RBL2: variants seen among roughly 807,000 people sequenced by gnomAD.
RBL2 encodes retinoblastoma-like protein 2.
In RBL2, 56 loss-of-function variants were observed where a neutral mutation model predicts 126.0. The observed-to-expected ratio is 0.44, with a 90% CI of 0.36 to 0.56. The LOEUF is 0.56. Ranked by LOEUF, RBL2 falls within the 20% of genes least tolerant of loss-of-function variation. RBL2 has a pLI of 0.00. For synonymous variants in RBL2, 454 were observed against 478.5 expected (o/e 0.95, Z 0.67); for missense variants, 1,229 against 1,398.2 (o/e 0.88, Z 1.93).
intron 8 of RBL2, among the ~76,000 whole-genome samples, chr16:53,455,053 G>T (rs555982658): frequency 3.3e-5 from 5 of 152,230 alleles, no homozygotes; most frequent in Non-Finnish European, 7.4e-5. Context: ...CTGAGAAAAA[G>T]AAATTAATAT....
intron 8 of RBL2, among the ~76,000 whole-genome samples, chr16:53,457,590 G>A (rs1184094526): frequency 6.6e-6 from 1 of 152,060 alleles, no homozygotes; most frequent in East Asian, 1.9e-4. Flanking sequence ...AAAATGAGGA[G>A]GGATTACTTA....
At chr16:53,445,817 A>G (rs1040612430) in intron 3 of RBL2, 3 of 152,266 alleles carry the variant, frequency 2.0e-5, no homozygotes, top group African/African-American at 7.2e-5. Context: ...TGAGGCAGGT[A>G]TGAAGATTCC....
At chr16:53,467,207 C>T in intron 14 of RBL2, 38 bp downstream of exon 14, 1 of 1,512,316 alleles carries the variant, frequency 6.6e-7, no homozygotes, top group Admixed American at 1.7e-5. Flanking sequence ...TTGGGGCTTA[C>T]TATCTGGAAA....
At chr16:53,464,407 A>C (rs1018689080) in intron 12 of RBL2, 44 bp downstream of exon 12, 3 of 1,453,368 alleles carry the variant, frequency 2.1e-6, no homozygotes, top group Admixed American at 4.2e-5. Flanking sequence ...TGTAGATGAG[A>C]CCAACTTCCT....
Position 53,442,691 on chromosome 16 carries a change from G to T in RBL2, c.405G>T (p.Trp135Cys), listed in dbSNP as rs774575109. The change falls in exon 3 of 22, where the codon TGG becomes TGT. Residue 135 changes from tryptophan to cysteine, a missense_variant. Trp to Cys is a radical substitution (Grantham distance 215, BLOSUM62 -2). This residue lies in a region of RBL2 where 1,070 missense variants were observed against 1,274.3 expected (regional missense o/e 0.84). Transcript: ENST00000262133. ...AATTTTTTAATAAGATGAAGAAGTG[G>T]GAAGACATGGCAAATCTACCCCCAC... The part of the protein sequence containing the change: ...LIEFFNKMKK[W>C]EDMANLPPHF... 1 of 1,613,506 alleles carries T rather than the reference G, an allele frequency of 6.2e-7. No homozygotes were observed. Among genetic ancestry groups the T allele is most frequent in the South Asian group, 1.1e-5 (1 of 90,964 alleles).
intron 8 of RBL2, among the ~76,000 whole-genome samples, chr16:53,455,390 G>A (rs1048058096): frequency 1.5e-4 from 23 of 152,214 alleles, no homozygotes; most frequent in African/African-American, 5.3e-4. Flanking sequence ...TAATCCAAGG[G>A]CCAGTTCACC....
At chr16:53,469,520 C>T (rs1326941402) in intron 14 of RBL2, among the ~76,000 whole-genome samples, 1 of 152,084 alleles carries the variant, frequency 6.6e-6, no homozygotes, top group Non-Finnish European at 1.5e-5. Flanking sequence ...TCACATCTTA[C>T]ATGAGTGGTA....
intron 17 of RBL2, among the ~76,000 whole-genome samples, chr16:53,478,795 T>C (rs772620894): frequency 1.3e-5 from 2 of 152,256 alleles, no homozygotes; most frequent in Non-Finnish European, 2.9e-5. Flanking sequence ...CTAATTTTTG[T>C]ATTTTTAGTA....
intron 21 of RBL2, among the ~76,000 whole-genome samples, chr16:53,482,283 G>T (rs879301009): frequency 6.6e-6 from 1 of 152,192 alleles, no homozygotes; most frequent in Non-Finnish European, 1.5e-5. Context: ...GATGTATGTG[G>T]CAACAGCCAC....
chr16:53,442,836 C>A lies in RBL2; in HGVS notation c.550C>A (p.Gln184Lys). The A allele has an allele frequency of 6.2e-7, 1 of 1,612,698 alleles. No homozygotes were observed. Among genetic ancestry groups the A allele is most frequent in the South Asian group, 1.1e-5 (1 of 90,866 alleles). ...FKYPQEEQPR[Q>K]QRGRKQRRQP... ...ATACCCTCAAGAGGAGCAACCTCGT[C>A]AGCAGCGAGGAAGGAAACAGCGGTA... The change falls in exon 3 of 22, where the codon CAG (glutamine) becomes AAG (lysine). Residue 184 changes from glutamine to lysine, a missense_variant. Coordinates refer to ENST00000262133, the MANE Select transcript of RBL2 (RefSeq NM_005611.4).
rs748057509 is a variant in RBL2, at chr16:53,465,426, T to C, written c.1699-12T>C. The C allele has an allele frequency of 7.2e-6, 10 of 1,385,676 alleles. No homozygotes were observed. The highest frequency in any genetic ancestry group is 9.4e-6 in the Non-Finnish European group (10 of 1,059,198). 85.8% of individuals were successfully genotyped at this position (1,385,676 alleles called of 1,614,324 possible). On this transcript the variant is annotated splice_polypyrimidine_tract_variant and intron_variant, in intron 12 of 21. Transcript: ENST00000262133. Reference sequence around the variant, plus strand: ...ATAATTATTCAGTGAACCAAGACATTTTTTATTTCAGGTGATAGAAGTATT... The same window carrying C: ...ATAATTATTCAGTGAACCAAGACATCTTTTATTTCAGGTGATAGAAGTATT...
At chr16:53,462,884 A>G (rs1456749424) in intron 11 of RBL2, among the ~76,000 whole-genome samples, 5 of 152,190 alleles carry the variant, frequency 3.3e-5, no homozygotes, top group Non-Finnish European at 7.3e-5. Flanking sequence ...GCTGTCGCCA[A>G]GGCTGGAGTG....
chr16:53,434,643 CGAGGCGGAAGA>C lies in RBL2; in HGVS notation c.88_98del (p.Glu30ArgfsTer50), dbSNP rs2057936759. The C allele has an allele frequency of 1.3e-6, 2 of 1,563,744 alleles. No individual in the cohort carries two copies. The highest frequency in any genetic ancestry group is 2.7e-5 in the African/African-American group (2 of 73,370). On this transcript the variant is annotated frameshift_variant, in exon 1 of 22. Coordinates refer to ENST00000262133, the MANE Select transcript of RBL2 (RefSeq NM_005611.4). LOFTEE classifies it high-confidence loss of function. ...CGGATGAGGAGGAGGAGGACGACGG[CGAGGCGGAAGA>C]CGCCGCGCCGCCTGCCGAGTCGCCC...
chr16:53,441,630 G>C (rs183759672), intron 2 of RBL2, among the ~76,000 whole-genome samples: 23 of 152,198 alleles, frequency 1.5e-4, no homozygotes, highest in African/African-American at 5.3e-4. Flanking sequence ...AAGTATGATA[G>C]CATTTATATA....
intron 19 of RBL2, 81 bp from the exon 20 acceptor site, chr16:53,480,486 C>A: frequency 8.3e-7 from 1 of 1,204,684 alleles, no homozygotes; most frequent in Non-Finnish European, 1.2e-6. Flanking sequence ...GGTAGCTGTT[C>A]CCTTTCTCCT....
Position 53,453,555 on chromosome 16 carries a change from A to G in RBL2, c.870A>G (p.Ala290=), listed in dbSNP as rs868715717. Reference sequence around the variant, plus strand: ...TACATGATGGCCTAGTTTTGGAAGCAAAGGGGATAAAGGAACATTTCTGGA... The same window carrying G: ...TACATGATGGCCTAGTTTTGGAAGCGAAGGGGATAAAGGAACATTTCTGGA... The part of the protein sequence containing the change: ...CSLHDGLVLE[A]KGIKEHFWKP... The change falls in exon 6 of 22, where the codon GCA becomes GCG. Residue 290 remains alanine, a synonymous_variant. Coordinates refer to ENST00000262133, the MANE Select transcript of RBL2 (RefSeq NM_005611.4). The G allele has an allele frequency of 6.2e-7, 1 of 1,613,594 alleles. No individual in the cohort carries two copies. Among genetic ancestry groups the G allele is most frequent in the Non-Finnish European group, 8.5e-7 (1 of 1,179,666 alleles).
At chr16:53,475,756 C>A (rs1416688822) in intron 17 of RBL2, among the ~76,000 whole-genome samples, 1 of 146,840 alleles carries the variant, frequency 6.8e-6, no homozygotes, top group Admixed American at 6.8e-5. Context: ...TTTACTATTT[C>A]TCTTAATATC....
intron 21 of RBL2, 178 bp from the exon 22 acceptor site, chr16:53,489,952 C>G (rs775996330): frequency 4.7e-6 from 2 of 424,392 alleles, no homozygotes; most frequent in Non-Finnish European, 8.1e-6. Context: ...AAATAGCCAT[C>G]GGCCTCAGCC....
rs964880974 is a variant in RBL2 at position 53,487,664 on chromosome 16, A to G, written c.3250-2466A>G. 2.6e-5 allele frequency: 4 copies of G among 152,248 alleles called. No individual in the cohort carries two copies. The East Asian group carries it at 7.7e-4, about 29-fold the overall frequency. The allele number at this position is 152,248 out of a possible 1,614,324, so 9.4% of individuals were successfully genotyped here. ...ATACAACATCAAAAGCACAATCCGT[A>G]AAATACTGTTAAAATGGATTTTATC... On this transcript the variant is annotated intron_variant, in intron 21 of 21. Transcript: ENST00000262133.
Sources: allele counts gnomAD v4.1 joint callset (sites outside exome capture counted in the v4.1 genomes callset), GRCh38; gene constraint gnomAD v4.1.1; regional missense constraint gnomAD v4.1.1; transcripts MANE v1.5; gene names NCBI Gene and HGNC (gene_info 2026-07-23, HGNC 2026-07-21).